Variants in SMG6 observed in about 807,000 individuals in gnomAD.
SMG6 encodes SMG6 nonsense mediated mRNA decay factor.
Under a neutral mutation model 142.2 loss-of-function variants are expected in SMG6, and 66 were observed. The observed-to-expected ratio is 0.46, with a 90% confidence interval of 0.38 to 0.57. The LOEUF (loss-of-function observed/expected upper bound fraction) is 0.57, where lower values mean the gene tolerates loss of function less well. Among genes scored for constraint, SMG6 ranks in the 20% least tolerant of loss-of-function variants. The pLI is 0.00. For missense variants in SMG6, 1,793 were observed against 1,832.0 expected (o/e 0.98, Z 0.39); for synonymous variants, 779 against 702.4 (o/e 1.11, Z -1.72).
chr17:2,095,516 C>T (rs184525082), intron 13 of SMG6, among the ~76,000 whole-genome samples: 93 of 152,332 alleles, frequency 6.1e-4, no homozygotes, highest in African/African-American at 2.0e-3. Flanking sequence ...CACTGTCCTC[C>T]AGACCCTGGG....
chr17:2,163,213 G>T (rs539175663), intron 13 of SMG6, among the ~76,000 whole-genome samples: 37 of 152,088 alleles, frequency 2.4e-4, no homozygotes, highest in Non-Finnish European at 4.7e-4. Context: ...TTTAGACAGG[G>T]TCTTGCTCTG....
In SMG6 at chr17:2,085,971, G is replaced by T; in HGVS notation, c.3358-70C>A. The T allele has an allele frequency of 6.7e-7, 1 of 1,492,912 alleles. No homozygotes were observed. The highest frequency in any genetic ancestry group is 9.3e-7 in the Non-Finnish European group (1 of 1,073,150). 92.5% of individuals were successfully genotyped at this position (1,492,912 alleles called of 1,614,324 possible). On this transcript the variant is annotated intron_variant, in intron 13 of 18. Transcript: ENST00000263073. The surrounding 1 kb of genome is among the most constrained non-coding windows in gnomAD (Gnocchi z 4.1). The stretch of plus-strand genomic sequence containing the variant: ...GGAAGATGGAGACGAGATGTTGCTT[G>T]CCGGCTGAGGGGCACAGGGGAACTG...
At chr17:2,254,918 A>C (rs1353725617) in intron 8 of SMG6, among the ~76,000 whole-genome samples, 1 of 152,170 alleles carries the variant, frequency 6.6e-6, no homozygotes, top group Non-Finnish European at 1.5e-5. Flanking sequence ...CTTTGAGTTG[A>C]AAAGTGAGGG....
chr17:2,299,107 G>T lies in SMG6; in HGVS notation c.1646C>A (p.Thr549Asn), dbSNP rs770586864. 1 of 1,614,012 alleles carries T rather than the reference G, an allele frequency of 6.2e-7. No homozygotes were observed. The highest frequency in any genetic ancestry group is 2.2e-5 in the East Asian group (1 of 44,888). Residue 549 changes from threonine (T) to asparagine (N), a missense_variant, in exon 2 of 19, where the codon ACT (threonine) becomes AAT (asparagine). Physicochemically the swap from Thr to Asn is moderately conservative, Grantham distance 65. Transcript: ENST00000263073. The surrounding 1 kb of genome is among the most constrained non-coding windows in gnomAD (Gnocchi z 4.3). ...GCTACACACATACTGTCCTGACGGA[G>T]TCGGGTAGCCTGGGTAGTAAGGCCC... is the stretch of plus-strand genomic sequence containing the variant. ...YPGPYYPGYP[T>N]PSGQYVCSPL... is the part of the protein sequence containing the mutation.
At chr17:2,281,807 C>T (rs563185517) in intron 8 of SMG6, among the ~76,000 whole-genome samples, 1 of 152,316 alleles carries the variant, frequency 6.6e-6, no homozygotes, top group South Asian at 2.1e-4. Context: ...AACGAACCAG[C>T]CACTGCAGTT....
At chr17:2,091,407 A>AG (rs1239059902) in intron 13 of SMG6, among the ~76,000 whole-genome samples, 1 of 152,170 alleles carries the variant, frequency 6.6e-6, no homozygotes, top group Non-Finnish European at 1.5e-5. Flanking sequence ...AGCCTACTTG[A>AG]GTCAGAAGAA....
intron 12 of SMG6, among the ~76,000 whole-genome samples, chr17:2,180,302 T>C (rs182906076): frequency 2.0e-4 from 30 of 152,318 alleles, no homozygotes; most frequent in South Asian, 8.3e-4. Context: ...GCACTCTACA[T>C]TGACTTTCAC....
intron 13 of SMG6, among the ~76,000 whole-genome samples, chr17:2,139,946 G>A (rs1453632752): frequency 1.3e-5 from 2 of 151,666 alleles, no homozygotes; most frequent in African/African-American, 4.8e-5. Flanking sequence ...GGCTGCTCTC[G>A]AATTCCTGAG....
intron 13 of SMG6, among the ~76,000 whole-genome samples, chr17:2,093,005 GC>G (rs2068764884): frequency 6.6e-6 from 1 of 152,146 alleles, no homozygotes; most frequent in African/African-American, 2.4e-5. Context: ...GATCAGCCCG[GC>G]CAACATGGTG....
rs1170102936 is a variant in SMG6, at chr17:2,300,051, G to A, written c.702C>T (p.Ala234=). Residue 234 remains alanine (A), a synonymous_variant, in exon 2 of 19, where the codon GCC becomes GCT. Coordinates refer to ENST00000263073, the MANE Select transcript of SMG6 (RefSeq NM_017575.5). ...GCTTTGCGGAGCCCGGCCTCCCGCG[G>A]GCTGGGTCGTCGTGGGTTTCCCTCA... is the stretch of plus-strand genomic sequence containing the variant. ...EGVRETHDDP[A]RGRPGSAKRY... is the part of the protein sequence containing the mutation. The A allele has an allele frequency of 3.7e-6, 6 of 1,614,178 alleles. No individual in the cohort carries two copies. The South Asian group carries it at 5.5e-5, about 15-fold the overall frequency.
chr17:2,142,221 A>G (rs547241270), intron 13 of SMG6, among the ~76,000 whole-genome samples: 1 of 152,334 alleles, frequency 6.6e-6, no homozygotes, highest in East Asian at 1.9e-4. Flanking sequence ...AAATAAAATA[A>G]ACCAGATTAA....
In SMG6 at chr17:2,075,802, GGA is replaced by G. The variant is rs2068241849; in HGVS notation, c.3681+6006_3681+6007del. Among the ~76,000 whole-genome samples the G allele has an allele frequency of 2.6e-5, 4 of 152,356 alleles. No individual in the cohort carries two copies. The South Asian group carries it at 8.3e-4, about 32-fold the overall frequency. On this transcript the variant is annotated intron_variant, in intron 15 of 18. Transcript: ENST00000263073. Reference sequence around the variant, plus strand: ...AACAAGACAGAGCGTGGGCTGAGCCGGAGAGTGTGGCCTCAAAGCCCTGGGTG... The same window carrying G: ...AACAAGACAGAGCGTGGGCTGAGCCGGAGTGTGGCCTCAAAGCCCTGGGTG...
chr17:2,086,657 G>T (rs2068569462), intron 13 of SMG6, among the ~76,000 whole-genome samples: 1 of 152,234 alleles, frequency 6.6e-6, no homozygotes, highest in Non-Finnish European at 1.5e-5. Context: ...AGTATCTTGA[G>T]CAACAGTCAA....
rs1158867212 is a variant in SMG6, at chr17:2,174,571, TCACACAACGG to T, written c.3156-1722_3156-1713del. Among the ~76,000 whole-genome samples the T allele has an allele frequency of 2.6e-5, 4 of 152,282 alleles. No individual in the cohort carries two copies. The East Asian group carries it at 7.7e-4, about 29-fold the overall frequency. On this transcript the variant is annotated intron_variant, in intron 12 of 18. Coordinates refer to ENST00000263073, the MANE Select transcript of SMG6 (RefSeq NM_017575.5). ...ACCAGACGGAACACAGCCCCATTAA[TCACACAACGG>T]CACATAATCAACACACGTGTACTGC...
At chr17:2,283,545 G>A (rs1408971234) in intron 7 of SMG6, 80 bp downstream of exon 7, 3 of 1,117,148 alleles carry the variant, frequency 2.7e-6, no homozygotes, top group African/African-American at 3.1e-5. Flanking sequence ...GATCCTGCCG[G>A]TGCGCAGAGC....
chr17:2,233,841 A>G (rs537642319), intron 10 of SMG6, among the ~76,000 whole-genome samples: 82 of 152,278 alleles, frequency 5.4e-4, no homozygotes, highest in African/African-American at 1.9e-3. Context: ...TCCCAATGGC[A>G]GCCCACACAG....
chr17:2,253,118 A>ATTTT (rs1196893986), intron 8 of SMG6, among the ~76,000 whole-genome samples: 3 of 101,392 alleles, frequency 3.0e-5, no homozygotes, highest in Non-Finnish European at 4.5e-5. Flanking sequence ...AAAATATTTT[A>ATTTT]TTTTATTTAT....
At chr17:2,176,650 G>T (rs923450476) in intron 12 of SMG6, among the ~76,000 whole-genome samples, 1 of 152,142 alleles carries the variant, frequency 6.6e-6, no homozygotes, top group Admixed American at 6.5e-5. Context: ...TGATGGCCAG[G>T]GAGTCTCTCA....
chr17:2,244,533 G>A, intron 9 of SMG6, 125 bp downstream of exon 9: 1 of 683,124 alleles, frequency 1.5e-6, no homozygotes, highest in Non-Finnish European at 2.6e-6. Flanking sequence ...GAGAAGAGAA[G>A]GTGGAGGCCT....
Sources: gnomAD v4.1 joint callset for allele counts (sites outside exome capture counted in the v4.1 genomes callset) on GRCh38, gnomAD v4.1.1 for gene constraint, Gnocchi (gnomAD v3.1) non-coding constraint, MANE v1.5 for transcripts, NCBI Gene and HGNC (gene_info 2026-07-23, HGNC 2026-07-21) for gene names.